Variants in SERPINA10 observed in about 807,000 individuals in gnomAD.
The protein encoded by SERPINA10 is protein Z-dependent protease inhibitor.
SERPINA10 carries 24 observed loss-of-function variants against 28.0 expected under a neutral mutation model. That is an observed-to-expected ratio of 0.86 (90% CI 0.62 to 1.20). The LOEUF is 1.20. Ranked by LOEUF, SERPINA10 falls within the 50% of genes most tolerant of loss-of-function variation. SERPINA10 has a pLI of 0.00. For missense variants in SERPINA10, 521 were observed against 537.7 expected, an observed-to-expected ratio of 0.97 and a Z score of 0.31; for synonymous variants, 207 against 203.9, an observed-to-expected ratio of 1.02 and a Z score of -0.13.
chr14:94,280,899 CA>C lies in SERPINA10; in HGVS notation c.*3065del, dbSNP rs1355085026. ...ATAACCTCTTACACATTTAAAAAAT[CA>C]TTTCTATTATTTGACTTCCTGAGCT... On this transcript the variant is annotated 3_prime_UTR_variant, in exon 5 of 5. Coordinates refer to ENST00000261994, the MANE Select transcript of SERPINA10 (RefSeq NM_001100607.3). 1.3e-5 allele frequency: 2 copies of C among 152,160 alleles called. No individual in the cohort carries two copies. Among genetic ancestry groups the C allele is most frequent in the Non-Finnish European group, 1.5e-5 (1 of 68,034 alleles). The allele number at this position is 152,160 out of a possible 1,614,324, so 9.4% of individuals were successfully genotyped here.
Position 94,290,489 on chromosome 14 carries a change from C to G in SERPINA10, c.105G>C (p.Gln35His), listed in dbSNP as rs556196719. The G allele has an allele frequency of 3.7e-6, 6 of 1,613,644 alleles. No homozygotes were observed. The South Asian group carries it at 5.5e-5, about 15-fold the overall frequency. ...SPQSPETPAP[Q>H]NQTSRVVQAP... ...CCTGCACTACCCTGCTGGTCTGGTT[C>G]TGAGGGGCTGGGGTCTCTGGCGACT... The change falls in exon 2 of 5, where the codon CAG (glutamine) becomes CAC (histidine). Residue 35 changes from glutamine (Q) to histidine (H), a missense_variant. Coordinates refer to ENST00000261994, the MANE Select transcript of SERPINA10 (RefSeq NM_001100607.3).
At chr14:94,287,414 C>G (rs1895051605) in intron 3 of SERPINA10, among the ~76,000 whole-genome samples, 1 of 152,132 alleles carries the variant, frequency 6.6e-6, no homozygotes, top group Non-Finnish European at 1.5e-5. Flanking sequence ...ATTAGCAGAT[C>G]CTGCACTTCC....
intron 3 of SERPINA10, among the ~76,000 whole-genome samples, chr14:94,286,855 A>G (rs1442034617): frequency 6.6e-6 from 1 of 152,218 alleles, no homozygotes; most frequent in African/African-American, 2.4e-5. Context: ...TTCAGCAAAC[A>G]TTACTTGAGG....
At chr14:94,288,175 T>G in intron 3 of SERPINA10, 111 bp downstream of exon 3, 1 of 1,461,804 alleles carries the variant, frequency 6.8e-7, no homozygotes, top group Non-Finnish European at 9.6e-7. Flanking sequence ...TTCAGGAAAC[T>G]TATAGCTCAC....
rs577825008 is a variant in SERPINA10 at position 94,288,164 on chromosome 14, C to A, written c.992+122G>T. The A allele has an allele frequency of 2.2e-6, 3 of 1,369,266 alleles. No individual in the cohort carries two copies. In the South Asian group the frequency reaches 3.6e-5, roughly 16 times the overall value. 84.8% of individuals were successfully genotyped at this position (1,369,266 alleles called of 1,614,324 possible). On this transcript the variant is annotated intron_variant, in intron 3 of 4. Coordinates refer to ENST00000261994, the MANE Select transcript of SERPINA10 (RefSeq NM_001100607.3). ...GAAAAAAAGACAAATGCTGCCCTGC[C>A]TTCAGGAAACTTATAGCTCACTGGA...
intron 2 of SERPINA10, among the ~76,000 whole-genome samples, 175 bp from the exon 3 acceptor site, chr14:94,288,734 A>G (rs1895087809): frequency 6.6e-6 from 1 of 152,186 alleles, no homozygotes; most frequent in African/African-American, 2.4e-5. Flanking sequence ...CAGGCAGGCA[A>G]AATAAATTTC....
chr14:94,286,315 C>T, intron 3 of SERPINA10, 57 bp from the exon 4 acceptor site: 1 of 1,593,782 alleles, frequency 6.3e-7, no homozygotes, highest in East Asian at 2.2e-5. Flanking sequence ...TCTGTGGACA[C>T]CAAAAAGGTC....
intron 1 of SERPINA10, among the ~76,000 whole-genome samples, chr14:94,291,909 T>C (rs1244727602): frequency 6.6e-6 from 1 of 152,224 alleles, no homozygotes; most frequent in Non-Finnish European, 1.5e-5. Flanking sequence ...GGCCTCACTC[T>C]GCAGTCTGAA....
intron 1 of SERPINA10, among the ~76,000 whole-genome samples, chr14:94,292,051 G>A (rs934635597): frequency 1.3e-5 from 2 of 152,206 alleles, no homozygotes; most frequent in African/African-American, 4.8e-5. Flanking sequence ...TATTGTAAAC[G>A]TTGGGTAAAT....
intron 3 of SERPINA10, 40 bp from the exon 4 acceptor site, chr14:94,286,298 G>A: frequency 6.2e-7 from 1 of 1,610,522 alleles, no homozygotes; most frequent in Non-Finnish European, 8.5e-7. Flanking sequence ...TGTAGACAAA[G>A]CCCTAGTCTG....
intron 4 of SERPINA10, among the ~76,000 whole-genome samples, chr14:94,285,578 C>CAT (rs1404433030): frequency 2.0e-5 from 3 of 146,896 alleles, no homozygotes; most frequent in Non-Finnish European, 3.0e-5. Flanking sequence ...TATATATACA[C>CAT]ACATATATAT....
At chr14:94,290,888 C>T (rs570077488) in intron 1 of SERPINA10, among the ~76,000 whole-genome samples, 4 of 152,270 alleles carry the variant, frequency 2.6e-5, no homozygotes, top group South Asian at 2.1e-4. Context: ...GTCCTGACCC[C>T]GTTTTCATTC....
Position 94,288,546 on chromosome 14 carries a change from G to A in SERPINA10, c.732C>T (p.Thr244=). ...CTTCGGTGAAGACAGGGTCAAATGG[G>A]GTCAACCATTTCCCTGAACAAGTAA... The part of the protein sequence containing the change: ...DYILFKGKWL[T]PFDPVFTEVD... The change falls in exon 3 of 5, where the codon ACC becomes ACT. Residue 244 remains threonine (T), a synonymous_variant. Transcript: ENST00000261994. 6.2e-7 allele frequency: 1 copy of A among 1,614,086 alleles called. No individual in the cohort carries two copies. The highest frequency in any genetic ancestry group is 8.5e-7 in the Non-Finnish European group (1 of 1,180,018).
Position 94,288,574 on chromosome 14 carries a change from G to C in SERPINA10, c.719-15C>G. The C allele has an allele frequency of 2.5e-6, 4 of 1,614,116 alleles. No individual in the cohort carries two copies. Among genetic ancestry groups the C allele is most frequent in the Non-Finnish European group, 3.4e-6 (4 of 1,179,992 alleles). ...CAACCATTTCCCTGAACAAGTAAGA[G>C]AAGAACTCATTGCAGAAATTCCCTC... On this transcript the variant is annotated splice_polypyrimidine_tract_variant and intron_variant, in intron 2 of 4. Coordinates refer to ENST00000261994, the MANE Select transcript of SERPINA10 (RefSeq NM_001100607.3).
rs376631969 is a variant in SERPINA10, at chr14:94,288,277, G to T, written c.992+9C>A. On this transcript the variant is annotated intron_variant, in intron 3 of 4. Transcript: ENST00000261994. ...TAGAGTTTGTATAGGGTGTGGGCAAGAGTTGTACCTGGTTTTCATGTTTCT... is the reference window on the plus strand; with the variant it reads ...TAGAGTTTGTATAGGGTGTGGGCAATAGTTGTACCTGGTTTTCATGTTTCT... The T allele has an allele frequency of 7.4e-6, 12 of 1,613,186 alleles. No individual in the cohort carries two copies. In the African/African-American group the frequency reaches 1.3e-4, roughly 18 times the overall value.
At chr14:94,284,859 T>G (rs186385738) in intron 4 of SERPINA10, among the ~76,000 whole-genome samples, 1 of 152,222 alleles carries the variant, frequency 6.6e-6, no homozygotes, top group Non-Finnish European at 1.5e-5. Context: ...GAAAATTAAT[T>G]CCCCAGAGCA....
rs1200899325 is a variant in SERPINA10, at chr14:94,282,468, A to G, written c.*1497T>C. The G allele has an allele frequency of 6.6e-6, 1 of 152,014 alleles. No homozygotes were observed. Among genetic ancestry groups the G allele is most frequent in the African/African-American group, 2.4e-5 (1 of 41,392 alleles). 9.4% of individuals were successfully genotyped at this position (152,014 alleles called of 1,614,324 possible). A position where few individuals can be genotyped will look rare whatever the true frequency, so the allele number is the denominator to read the frequency against. Reference sequence around the variant, plus strand: ...AAAGTTCATGCTTATATTCTGTTTAACCCCCATGGGTAGCTGTAGTGCATG... The same window carrying G: ...AAAGTTCATGCTTATATTCTGTTTAGCCCCCATGGGTAGCTGTAGTGCATG... On this transcript the variant is annotated 3_prime_UTR_variant, in exon 5 of 5. Transcript: ENST00000261994.
At position 94,288,288 on chromosome 14, in the gene SERPINA10, G is replaced by A; in HGVS notation, c.990C>T (p.Thr330=). The stretch of plus-strand genomic sequence containing the variant: ...TAGGGTGTGGGCAAGAGTTGTACCT[G>A]GTTTTCATGTTTCTGAGCCATGTCT... The part of the protein sequence containing the change: ...LVETWLRNMK[T]RNMEVFFPKF... The change falls in exon 3 of 5, where the codon ACC becomes ACT. Residue 330 remains threonine (T), a splice_region_variant and synonymous_variant. Coordinates refer to ENST00000261994, the MANE Select transcript of SERPINA10 (RefSeq NM_001100607.3). 1 of 1,613,630 alleles carries A rather than the reference G, an allele frequency of 6.2e-7. No homozygotes were observed.
chr14:94,290,504 C>T lies in SERPINA10; in HGVS notation c.90G>A (p.Glu30=). 6.2e-7 allele frequency: 1 copy of T among 1,613,384 alleles called. No homozygotes were observed. The highest frequency in any genetic ancestry group is 8.5e-7 in the Non-Finnish European group (1 of 1,179,746). Residue 30 remains glutamate, a synonymous_variant, in exon 2 of 5, where the codon GAG becomes GAA. Coordinates refer to ENST00000261994, the MANE Select transcript of SERPINA10 (RefSeq NM_001100607.3). ...PGLAPSPQSP[E]TPAPQNQTSR... ...TGGTCTGGTTCTGAGGGGCTGGGGT[C>T]TCTGGCGACTGAGGACTGGGGGCCA...
Sources: allele counts gnomAD v4.1 joint callset (sites outside exome capture counted in the v4.1 genomes callset), GRCh38; gene constraint gnomAD v4.1.1; transcripts MANE v1.5; gene names NCBI Gene and HGNC (gene_info 2026-07-23, HGNC 2026-07-21).